EFCAB6: variants seen among roughly 807,000 people sequenced by gnomAD.
EFCAB6 encodes the protein EF-hand calcium binding domain 6.
Under a neutral mutation model 169.8 loss-of-function variants are expected in EFCAB6, and 156 were observed. The ratio of observed to expected loss-of-function variants is 0.92; its 90% confidence interval spans 0.81 to 1.05. EFCAB6 has a LOEUF of 1.05. Ranked by LOEUF, EFCAB6 falls within the 50% of genes least tolerant of loss-of-function variation. The probability of loss-of-function intolerance (pLI) is 0.00; values close to 1 mark genes in which losing one functional copy is unlikely to be tolerated. For missense variants in EFCAB6, 1,800 were observed against 1,829.1 expected (o/e 0.98, Z 0.29); for synonymous variants, 698 against 676.4 (o/e 1.03, Z -0.50).
chr22:43,784,569 G>GTATACATACACATATATATA (rs1569487286), intron 2 of EFCAB6, among the ~76,000 whole-genome samples: 2 of 40,010 alleles, frequency 5.0e-5, no homozygotes, highest in African/African-American at 1.9e-4. Flanking sequence ...ACATATATAT[G>GTATACATACACATATATATA]TGTACATATA....
rs545475541 is a variant in EFCAB6 at position 43,725,216 on chromosome 22, T to C, written c.757+6483A>G. ...AGTGCAATGGCACAATCTTGGCTCA[T>C]TGTAACCCCCCGCCTACCGGGTTCA... On this transcript the variant is annotated intron_variant, in intron 8 of 31. Transcript: ENST00000262726. 7.9e-5 allele frequency among the ~76,000 whole-genome samples: 12 copies of C among 150,960 alleles called. No individual in the cohort carries two copies. The South Asian group carries it at 1.9e-3, about 24-fold the overall frequency.
At chr22:43,725,332 G>T (rs2059690661) in intron 8 of EFCAB6, among the ~76,000 whole-genome samples, 2 of 152,010 alleles carry the variant, frequency 1.3e-5, no homozygotes, top group African/African-American at 4.8e-5. Context: ...GTAGAGATGG[G>T]GTTTCTCCAT....
chr22:43,701,827 G>T (rs1336583333), intron 10 of EFCAB6, among the ~76,000 whole-genome samples: 3 of 151,688 alleles, frequency 2.0e-5, no homozygotes, highest in Non-Finnish European at 4.4e-5. Context: ...AGAAGAAGAT[G>T]CATGTATTTG....
At chr22:43,776,422 A>C (rs953188908) in intron 3 of EFCAB6, among the ~76,000 whole-genome samples, 1 of 152,238 alleles carries the variant, frequency 6.6e-6, no homozygotes, top group African/African-American at 2.4e-5. Flanking sequence ...CCAATAAATA[A>C]ATAAACAAAT....
rs865874317 is a variant in EFCAB6 at position 43,784,567 on chromosome 22, A to G, written c.-7-2242T>C. Among the ~76,000 whole-genome samples, 49 of 56,770 alleles carry G rather than the reference A, an allele frequency of 8.6e-4. 2 individuals are homozygous for G. Among genetic ancestry groups the G allele is most frequent in the Middle Eastern group, 9.6e-3 (1 of 104 alleles). 37.2% of individuals were successfully genotyped at this position (56,770 alleles called of 152,430 possible). ...TGTATATGTATATATACACATATAT[A>G]TGTGTACATATACACATATATATGT... On this transcript the variant is annotated intron_variant, in intron 2 of 31. Coordinates refer to ENST00000262726, the MANE Select transcript of EFCAB6 (RefSeq NM_022785.4).
intron 2 of EFCAB6, among the ~76,000 whole-genome samples, chr22:43,799,478 G>T (rs1259770124): frequency 1.3e-5 from 2 of 152,070 alleles, no homozygotes; most frequent in Non-Finnish European, 2.9e-5. Context: ...AGTTAATATT[G>T]ACTTTAGTTA....
rs1371253599 is a variant in EFCAB6, at chr22:43,795,620, G to A, written c.-7-13295C>T. Among the ~76,000 whole-genome samples, 4 of 151,996 alleles carry A rather than the reference G, an allele frequency of 2.6e-5. No homozygotes were observed. Among genetic ancestry groups the A allele is most frequent in the African/African-American group, 4.8e-5 (2 of 41,370 alleles). On this transcript the variant is annotated intron_variant, in intron 2 of 31. Coordinates refer to ENST00000262726, the MANE Select transcript of EFCAB6 (RefSeq NM_022785.4). This position sits in a 1 kb window ranked among gnomAD's most constrained non-coding sequence, Gnocchi z 4.2. ...TCTCTCACACAGCCTGCACTTCTCC[G>A]GCACTGTACATACCCCAACTTCGCA... is the stretch of plus-strand genomic sequence containing the variant.
intron 2 of EFCAB6, among the ~76,000 whole-genome samples, chr22:43,806,940 C>T (rs1462154017): frequency 6.6e-6 from 1 of 152,214 alleles, no homozygotes; most frequent in Non-Finnish European, 1.5e-5. Context: ...TGCTGTGGGG[C>T]TGCAGATGTG....
At chr22:43,651,183 G>T (rs1004360112) in intron 17 of EFCAB6, among the ~76,000 whole-genome samples, 1 of 152,230 alleles carries the variant, frequency 6.6e-6, no homozygotes, top group Non-Finnish European at 1.5e-5. Context: ...AGGCCTGGAG[G>T]TCTAGGAGGA....
chr22:43,544,302 A>C (rs2047916052), intron 27 of EFCAB6, among the ~76,000 whole-genome samples: 1 of 151,610 alleles, frequency 6.6e-6, no homozygotes, highest in Non-Finnish European at 1.5e-5. Context: ...GACTGCACCT[A>C]TGCTCCCACC....
chr22:43,596,249 AATT>A (rs765554360), intron 23 of EFCAB6, among the ~76,000 whole-genome samples: 1 of 152,174 alleles, frequency 6.6e-6, no homozygotes, highest in Non-Finnish European at 1.5e-5. Context: ...TAACCTGAGC[AATT>A]AAGCAAGAGA....
chr22:43,606,005 G>A (rs757140007), intron 22 of EFCAB6, among the ~76,000 whole-genome samples: 19 of 152,266 alleles, frequency 1.2e-4, no homozygotes, highest in African/African-American at 4.3e-4. Flanking sequence ...ACACGGACAC[G>A]GGAGGGGTCA....
chr22:43,672,715 A>G (rs1039687394), intron 13 of EFCAB6, among the ~76,000 whole-genome samples: 8 of 152,026 alleles, frequency 5.3e-5, no homozygotes, highest in Non-Finnish European at 1.2e-4. Context: ...CCCTCAGGAG[A>G]ATGAGGATGG....
At chr22:43,541,592 G>C (rs529660407) in intron 27 of EFCAB6, among the ~76,000 whole-genome samples, 1 of 152,218 alleles carries the variant, frequency 6.6e-6, no homozygotes, top group African/African-American at 2.4e-5. Context: ...TGACCAACGA[G>C]GAAAAACTAT....
intron 21 of EFCAB6, among the ~76,000 whole-genome samples, chr22:43,611,175 T>C (rs541754377): frequency 1.9e-4 from 29 of 152,312 alleles, no homozygotes; most frequent in South Asian, 6.2e-4. Context: ...AGTCATAGCA[T>C]TGAACCTGTA....
chr22:43,704,119 C>A (rs1365083379), intron 10 of EFCAB6, among the ~76,000 whole-genome samples: 1 of 151,608 alleles, frequency 6.6e-6, no homozygotes, highest in East Asian at 1.9e-4. Flanking sequence ...CTGAGAGTAG[C>A]AAGAGATTAA....
intron 8 of EFCAB6, among the ~76,000 whole-genome samples, chr22:43,727,447 T>G (rs2059779536): frequency 6.6e-6 from 1 of 152,132 alleles, no homozygotes; most frequent in Non-Finnish European, 1.5e-5. Context: ...AAAAAATTTT[T>G]AAGCATTTAA....
intron 27 of EFCAB6, chr22:43,552,746 T>G (rs2048454591): frequency 6.6e-6 from 1 of 152,218 alleles, no homozygotes; most frequent in African/African-American, 2.4e-5. Flanking sequence ...GCCAGATATG[T>G]CAGCATGTCA....
At chr22:43,772,361 C>T (rs1012415310) in intron 4 of EFCAB6, among the ~76,000 whole-genome samples, 4 of 152,104 alleles carry the variant, frequency 2.6e-5, no homozygotes, top group Admixed American at 2.0e-4. Flanking sequence ...AAAAGAAGGC[C>T]GGGTGCAGTG....
Sources: allele counts gnomAD v4.1 joint callset (sites outside exome capture counted in the v4.1 genomes callset), GRCh38; gene constraint gnomAD v4.1.1; non-coding constraint Gnocchi (gnomAD v3.1); transcripts MANE v1.5; gene names NCBI Gene and HGNC (gene_info 2026-07-23, HGNC 2026-07-21).